SCGN: variants seen among roughly 807,000 people sequenced by gnomAD.
SCGN encodes secretagogin, EF-hand calcium binding protein.
Under a neutral mutation model 39.7 loss-of-function variants are expected in SCGN, and 30 were observed. The ratio of observed to expected loss-of-function variants is 0.76; its 90% CI spans 0.57 to 1.03. SCGN has a LOEUF of 1.03. Among genes scored for constraint, SCGN ranks in the 50% least tolerant of loss-of-function variants. SCGN has a pLI of 0.00. For missense variants in SCGN, 353 were observed against 349.4 expected (o/e 1.01, Z -0.08); for synonymous variants, 106 against 114.1 (o/e 0.93, Z 0.45).
intron 7 of SCGN, 123 bp downstream of exon 7, chr6:25,682,129 T>C: frequency 2.9e-6 from 2 of 683,950 alleles, no homozygotes; most frequent in Non-Finnish European, 5.2e-6. Context: ...AATAGGCACA[T>C]CTTACCAATA....
At chr6:25,654,820 C>T (rs1760199037) in intron 2 of SCGN, among the ~76,000 whole-genome samples, 1 of 152,150 alleles carries the variant, frequency 6.6e-6, no homozygotes, top group South Asian at 2.1e-4. Flanking sequence ...CCACCCCTTA[C>T]CCTGTGCAGC....
At chr6:25,674,065 G>A (rs1759534906) in intron 6 of SCGN, among the ~76,000 whole-genome samples, 1 of 152,068 alleles carries the variant, frequency 6.6e-6, no homozygotes, top group Non-Finnish European at 1.5e-5. Flanking sequence ...CAGCACCAAG[G>A]GGATGGTGCT....
At chr6:25,699,589 C>CAAAAAAAAAAAAA (rs35915067) in intron 10 of SCGN, among the ~76,000 whole-genome samples, 1 of 53,832 alleles carries the variant, frequency 1.9e-5, no homozygotes, top group African/African-American at 6.7e-5. Context: ...AACTCTGTCT[C>CAAAAAAAAAAAAA]AAAAAAAAAA....
At chr6:25,689,608 A>T (rs1582587626) in intron 9 of SCGN, 76 bp downstream of exon 9, 19 of 1,178,842 alleles carry the variant, frequency 1.6e-5, no homozygotes, top group Non-Finnish European at 2.4e-5. Context: ...GAGCCATCTT[A>T]CCCAACAGAC....
intron 6 of SCGN, among the ~76,000 whole-genome samples, chr6:25,678,378 C>CT (rs1561766502): frequency 6.6e-6 from 1 of 152,004 alleles, no homozygotes; most frequent in Non-Finnish European, 1.5e-5. Flanking sequence ...TATTTATTTT[C>CT]TTTTTTTTAA....
At chr6:25,693,179 C>T (rs751507957) in intron 10 of SCGN, among the ~76,000 whole-genome samples, 6 of 151,988 alleles carry the variant, frequency 3.9e-5, no homozygotes, top group East Asian at 1.9e-4. Flanking sequence ...CGGCCGGGCG[C>T]GGTGGCTCAT....
At chr6:25,669,592 G>A (rs1561764055) in intron 5 of SCGN, 25 bp downstream of exon 5, 2 of 1,601,358 alleles carry the variant, frequency 1.2e-6, no homozygotes, top group Non-Finnish European at 1.7e-6. Flanking sequence ...GTGAAGGGTG[G>A]GTTTGTTTAT....
chr6:25,660,282 G>A (rs10946788), intron 2 of SCGN, among the ~76,000 whole-genome samples: 42,537 of 151,996 alleles, frequency 0.28, 6,021 homozygotes, highest in African/African-American at 0.32. Context: ...TCTTTCCACC[G>A]TCTCCTCTTT....
Position 25,697,452 on chromosome 6 carries a change from T to C in SCGN, c.703-3755T>C, listed in dbSNP as rs896854079. ...ATCAGTGAAACTCTAATTCAGTTCC[T>C]CTAGTGGTCAGAATATGGTCCAGTG... On this transcript the variant is annotated intron_variant, in intron 10 of 10. Coordinates refer to ENST00000377961, the MANE Select transcript of SCGN (RefSeq NM_006998.4). Among the ~76,000 whole-genome samples the C allele has an allele frequency of 2.6e-5, 4 of 152,370 alleles. No homozygotes were observed. The East Asian group carries it at 7.7e-4, about 29-fold the overall frequency.
intron 7 of SCGN, among the ~76,000 whole-genome samples, chr6:25,686,543 G>A (rs558291500): frequency 3.3e-5 from 5 of 152,098 alleles, no homozygotes; most frequent in Non-Finnish European, 5.9e-5. Flanking sequence ...AAAATTGGGC[G>A]ATTTGTCCTT....
intron 2 of SCGN, 50 bp downstream of exon 2, chr6:25,653,502 C>A: frequency 7.5e-7 from 1 of 1,328,996 alleles, no homozygotes; most frequent in Non-Finnish European, 1.1e-6. Flanking sequence ...GTAAGATACG[C>A]ACATCCAAGT....
rs956928210 is a variant in SCGN, at chr6:25,689,187, G to A, written c.543G>A (p.Gln181=). Residue 181 remains glutamine (Q), a synonymous_variant, in exon 8 of 11, where the codon CAG becomes CAA. Coordinates refer to ENST00000377961, the MANE Select transcript of SCGN (RefSeq NM_006998.4). ...LNDLARILAL[Q]ENFLLQFKMD... ...TTCTATTTAGGATTCTGGCTCTTCA[G>A]GAAAACTTCCTTCTCCAATTTAAAA... 6.9e-6 allele frequency: 11 copies of A among 1,595,930 alleles called. No homozygotes were observed. The highest frequency in any genetic ancestry group is 8.6e-6 in the Non-Finnish European group (10 of 1,169,258).
chr6:25,652,332 T>C lies in SCGN; in HGVS notation c.-72T>C. 2.6e-6 allele frequency: 3 copies of C among 1,144,382 alleles called. No homozygotes were observed. The highest frequency in any genetic ancestry group is 3.9e-6 in the Non-Finnish European group (3 of 761,432). The allele number at this position is 1,144,382 out of a possible 1,614,324, so 70.9% of individuals were successfully genotyped here. A position where few individuals can be genotyped will look rare whatever the true frequency, so the allele number is the denominator to read the frequency against. ...AGAAGCAGGAGAGCAAGTCAAGAAA[T>C]ACGGTGAAGGAGTCCTTCCCAAAGT... On this transcript the variant is annotated 5_prime_UTR_variant, in exon 1 of 11. Transcript: ENST00000377961.
At chr6:25,666,793 A>C (rs1411617321) in intron 4 of SCGN, among the ~76,000 whole-genome samples, 1 of 152,204 alleles carries the variant, frequency 6.6e-6, no homozygotes, top group African/African-American at 2.4e-5. Context: ...AGAATACACA[A>C]AAAATATTGG....
At chr6:25,692,732 C>T (rs1759788355) in intron 10 of SCGN, among the ~76,000 whole-genome samples, 1 of 152,186 alleles carries the variant, frequency 6.6e-6, no homozygotes, top group African/African-American at 2.4e-5. Flanking sequence ...TTAAGCTCTG[C>T]TTGAATCAGA....
chr6:25,680,705 C>G (rs1759627395), intron 6 of SCGN, among the ~76,000 whole-genome samples: 1 of 152,164 alleles, frequency 6.6e-6, no homozygotes, highest in Non-Finnish European at 1.5e-5. Flanking sequence ...TTATCCCCAT[C>G]AGACTTTTTA....
intron 2 of SCGN, among the ~76,000 whole-genome samples, chr6:25,657,463 C>T (rs371101768): frequency 6.6e-6 from 1 of 152,044 alleles, no homozygotes; most frequent in African/African-American, 2.4e-5. Context: ...TAAGATAACA[C>T]AAGTGAAAGG....
chr6:25,657,657 A>ATATATATATAATATATATATTACGTG (rs1760250689), intron 2 of SCGN, among the ~76,000 whole-genome samples: 2 of 149,288 alleles, frequency 1.3e-5, no homozygotes, highest in African/African-American at 4.9e-5. Context: ...AAGATTTTAT[A>ATATATATATAATATATATATTACGTG]TATATATATA....
At chr6:25,694,020 A>T (rs560799987) in intron 10 of SCGN, among the ~76,000 whole-genome samples, 1 of 152,356 alleles carries the variant, frequency 6.6e-6, no homozygotes, top group East Asian at 1.9e-4. Flanking sequence ...GTGCTACTTC[A>T]CTAATTAATA....
Sources: gnomAD v4.1 joint callset for allele counts (sites outside exome capture counted in the v4.1 genomes callset) on GRCh38, gnomAD v4.1.1 for gene constraint, MANE v1.5 for transcripts, NCBI Gene and HGNC (gene_info 2026-07-23, HGNC 2026-07-21) for gene names.